Variants in COX10 observed in about 807,000 individuals in gnomAD.
COX10 encodes cytochrome c oxidase assembly factor heme A:farnesyltransferase COX10, also known as protoheme IX farnesyltransferase, mitochondrial.
COX10 carries 27 observed loss-of-function variants against 37.3 expected under a neutral mutation model. The observed-to-expected ratio is 0.72, with a 90% CI of 0.53 to 1.00. The LOEUF (loss-of-function observed/expected upper bound fraction) is 1.00. COX10 is among the 50% of genes least tolerant of loss of function. The pLI is 0.00. For synonymous variants in COX10, 222 were observed against 229.1 expected (o/e 0.97, Z 0.28); for missense variants, 475 against 563.2 (o/e 0.84, Z 1.59).
intron 4 of COX10, among the ~76,000 whole-genome samples, chr17:14,131,169 A>C (rs1320859901): frequency 1.3e-5 from 2 of 152,160 alleles, no homozygotes; most frequent in South Asian, 2.1e-4. Flanking sequence ...CTTATTGAAG[A>C]GGAAGTCAAA....
chr17:14,132,837 A>G (rs909048069), intron 4 of COX10, among the ~76,000 whole-genome samples: 3 of 151,726 alleles, frequency 2.0e-5, no homozygotes, highest in African/African-American at 7.2e-5. Context: ...AAATAATTAA[A>G]TATTAAGGAA....
At chr17:14,204,472 C>T (rs1230244629) in intron 6 of COX10, among the ~76,000 whole-genome samples, 4 of 151,982 alleles carry the variant, frequency 2.6e-5, no homozygotes, top group Non-Finnish European at 5.9e-5. Context: ...CTCTCTCCTC[C>T]CCTCCTTATT....
intron 4 of COX10, 86 bp downstream of exon 4, chr17:14,102,328 C>T (rs1915803063): frequency 1.3e-6 from 2 of 1,522,790 alleles, no homozygotes; most frequent in Admixed American, 1.8e-5. Context: ...ACCTTCCAAA[C>T]TCATATATTG....
At position 14,207,476 on chromosome 17, in the gene COX10, C is replaced by G. The variant is rs1906746495; in HGVS notation, c.*263C>G. On this transcript the variant is annotated 3_prime_UTR_variant, in exon 7 of 7. Coordinates refer to ENST00000261643, the MANE Select transcript of COX10 (RefSeq NM_001303.4). ...GTCTTTATACATCTCTCCTCCAACC[C>G]CACCCTCTATTCTGTTTCTTCCTCC... The G allele has an allele frequency of 2.2e-6, 1 of 463,760 alleles. No individual in the cohort carries two copies. The highest frequency in any genetic ancestry group is 3.0e-5 in the South Asian group (1 of 32,844). The allele number at this position is 463,760 out of a possible 1,614,324, so 28.7% of individuals were successfully genotyped here.
intron 4 of COX10, among the ~76,000 whole-genome samples, chr17:14,127,927 ATGTGTGTG>A (rs67774468): frequency 0.021 from 3,028 of 143,660 alleles, 96 homozygotes; most frequent in African/African-American, 0.072. Context: ...GAGTGTGTGT[ATGTGTGTG>A]TGTGTGTGTG....
chr17:14,083,279 A>G (rs904425764), intron 3 of COX10, among the ~76,000 whole-genome samples: 3 of 152,120 alleles, frequency 2.0e-5, no homozygotes, highest in Admixed American at 2.0e-4. Context: ...GGTGACCCCT[A>G]CCCTTTTATC....
At chr17:14,142,920 C>A (rs565806640) in intron 4 of COX10, among the ~76,000 whole-genome samples, 7 of 152,264 alleles carry the variant, frequency 4.6e-5, no homozygotes, top group Admixed American at 3.9e-4. Context: ...TTTCAGGGTT[C>A]TGGGGAATTA....
chr17:14,170,313 T>G (rs1291537475), intron 5 of COX10, among the ~76,000 whole-genome samples: 2 of 152,220 alleles, frequency 1.3e-5, no homozygotes, highest in Non-Finnish European at 2.9e-5. Flanking sequence ...AGATTCAGTA[T>G]TATCCAGTTT....
chr17:14,075,629 A>G (rs534352825), intron 2 of COX10, among the ~76,000 whole-genome samples: 1 of 152,216 alleles, frequency 6.6e-6, no homozygotes, highest in East Asian at 1.9e-4. Context: ...GTAGTTATTA[A>G]TTTTGCTAGT....
At chr17:14,188,128 A>G (rs1449410570) in intron 5 of COX10, among the ~76,000 whole-genome samples, 1 of 143,722 alleles carries the variant, frequency 7.0e-6, no homozygotes, top group African/African-American at 2.5e-5. Context: ...TTTTGACACA[A>G]GGGCCAATTC....
chr17:14,184,824 T>C (rs1047388265), intron 5 of COX10, among the ~76,000 whole-genome samples: 6 of 150,980 alleles, frequency 4.0e-5, no homozygotes, highest in Non-Finnish European at 5.9e-5. Context: ...CTTGGCCAGA[T>C]GGGGACCAGC....
At chr17:14,132,565 T>TA (rs1251692676) in intron 4 of COX10, among the ~76,000 whole-genome samples, 1 of 151,736 alleles carries the variant, frequency 6.6e-6, no homozygotes, top group African/African-American at 2.4e-5. Context: ...TTCCTAATCT[T>TA]AAAAAATTAA....
intron 5 of COX10, among the ~76,000 whole-genome samples, chr17:14,189,085 T>G (rs1164980527): frequency 6.8e-6 from 1 of 146,610 alleles, no homozygotes; most frequent in Non-Finnish European, 1.5e-5. Flanking sequence ...TCTTCTTTTT[T>G]TTTTTTTTTT....
chr17:14,087,220 A>G (rs1251975096), intron 3 of COX10, among the ~76,000 whole-genome samples: 2 of 152,168 alleles, frequency 1.3e-5, no homozygotes, highest in Non-Finnish European at 2.9e-5. Context: ...TTTATAGTCT[A>G]GTGGGTCTGT....
intron 6 of COX10, among the ~76,000 whole-genome samples, chr17:14,198,369 G>A (rs1239397344): frequency 1.3e-5 from 2 of 152,140 alleles, no homozygotes; most frequent in Non-Finnish European, 2.9e-5. Context: ...TTCTTGCCAA[G>A]GCCCCCTCTT....
In COX10 at chr17:14,192,237, T is replaced by C. The variant is rs1444986264; in HGVS notation, c.928+16T>C. On this transcript the variant is annotated intron_variant, in intron 6 of 6. Coordinates refer to ENST00000261643, the MANE Select transcript of COX10 (RefSeq NM_001303.4). ...CTCGATGCTGGTAAGTGTCCCGCGA[T>C]GTGGAGTCTCATATGAGCACACTCG... 13 of 1,614,080 alleles carry C rather than the reference T, an allele frequency of 8.1e-6. No individual in the cohort carries two copies. In the East Asian group the frequency reaches 8.9e-5, roughly 11 times the overall value.
chr17:14,163,605 A>G (rs998060270), intron 5 of COX10, among the ~76,000 whole-genome samples: 3 of 152,194 alleles, frequency 2.0e-5, no homozygotes, highest in African/African-American at 7.2e-5. Flanking sequence ...AAATCATAGA[A>G]GAGTTTCAAA....
At chr17:14,180,017 G>A (rs1347536396) in intron 5 of COX10, among the ~76,000 whole-genome samples, 1 of 152,232 alleles carries the variant, frequency 6.6e-6, no homozygotes, top group Non-Finnish European at 1.5e-5. Flanking sequence ...ACAGGGTTTA[G>A]CTTAAGTATT....
chr17:14,156,384 C>G (rs561673947), intron 4 of COX10, among the ~76,000 whole-genome samples: 1 of 152,098 alleles, frequency 6.6e-6, no homozygotes, highest in Non-Finnish European at 1.5e-5. Context: ...CACCCGCCAC[C>G]GCGCCCGGCT....
Sources: allele counts gnomAD v4.1 joint callset (sites outside exome capture counted in the v4.1 genomes callset), GRCh38; gene constraint gnomAD v4.1.1; transcripts MANE v1.5; gene names NCBI Gene and HGNC (gene_info 2026-07-23, HGNC 2026-07-21).